NMRK2: variants seen among roughly 807,000 people sequenced by gnomAD.
NMRK2 encodes the protein nicotinamide riboside kinase 2.
In NMRK2, 34 loss-of-function variants were observed where a neutral mutation model predicts 24.7. That is an observed-to-expected ratio of 1.37 (90% CI 1.05 to 1.83). The LOEUF is 1.83. NMRK2 is among the 40% of genes most tolerant of loss of function. The pLI, the probability that NMRK2 is intolerant of heterozygous loss-of-function variation, is 0.00. For synonymous variants in NMRK2, 145 were observed against 125.6 expected (o/e 1.15, Z -1.03); for missense variants, 341 against 315.0 (o/e 1.08, Z -0.62).
chr19:3,940,897 C>T (rs2039319709), intron 6 of NMRK2, among the ~76,000 whole-genome samples, 174 bp from the exon 7 acceptor site: 1 of 152,198 alleles, frequency 6.6e-6, no homozygotes, highest in South Asian at 2.1e-4. Flanking sequence ...TCTCCCGGAC[C>T]CACAGGGTGA....
rs779155928 is a variant in NMRK2, at chr19:3,936,570, C to A, written c.27-5C>A. ...GGCAGTCTCATGCACACGCTGTCTC[C>A]CCAGCATGACCAACGGCGGCAAGAC... On this transcript the variant is annotated splice_polypyrimidine_tract_variant and splice_region_variant and intron_variant, in intron 2 of 7. Coordinates refer to ENST00000168977, the MANE Select transcript of NMRK2 (RefSeq NM_170678.3). The A allele has an allele frequency of 2.6e-6, 4 of 1,547,548 alleles. No homozygotes were observed. The highest frequency in any genetic ancestry group is 2.4e-5 in the East Asian group (1 of 41,446).
chr19:3,935,581 G>GTATT (rs1212604182), intron 2 of NMRK2, among the ~76,000 whole-genome samples: 100 of 151,152 alleles, frequency 6.6e-4, no homozygotes, highest in African/African-American at 2.1e-3. Flanking sequence ...ATCTATTTAT[G>GTATT]TATTTATTTA....
chr19:3,933,862 GT>G (rs1353974686), intron 2 of NMRK2, among the ~76,000 whole-genome samples, 165 bp downstream of exon 2: 17 of 152,186 alleles, frequency 1.1e-4, no homozygotes, highest in Admixed American at 1.0e-3. Flanking sequence ...GGGTCTCGGT[GT>G]CCCCAGTGGG....
intron 7 of NMRK2, 41 bp downstream of exon 7, chr19:3,941,218 G>A (rs565857828): frequency 2.6e-5 from 27 of 1,032,676 alleles, no homozygotes; most frequent in African/African-American, 1.8e-4. Flanking sequence ...CCGGGCGGGC[G>A]GGGGGGACCC....
In NMRK2 at chr19:3,938,498, C is replaced by T. The variant is rs2039258280; in HGVS notation, c.167-105C>T. On this transcript the variant is annotated intron_variant, in intron 4 of 7. Transcript: ENST00000168977. ...GGGGTCCACCCTCCTGCAATGCCCGCTCCCCATCCACCGTCCCCTGGGGTC... is the reference window on the plus strand; with the variant it reads ...GGGGTCCACCCTCCTGCAATGCCCGTTCCCCATCCACCGTCCCCTGGGGTC... 1.4e-5 allele frequency: 14 copies of T among 1,025,618 alleles called. No homozygotes were observed. In the South Asian group the frequency reaches 2.9e-4, roughly 21 times the overall value. The allele number at this position is 1,025,618 out of a possible 1,614,324, so 63.5% of individuals were successfully genotyped here.
rs1295008833 is a variant in NMRK2 at position 3,942,367 on chromosome 19, T to C, written c.*94T>C. 5.1e-5 allele frequency: 57 copies of C among 1,125,220 alleles called. 1 individual carries two copies. The East Asian group carries it at 1.1e-3, about 22-fold the overall frequency. The allele number at this position is 1,125,220 out of a possible 1,614,324, so 69.7% of individuals were successfully genotyped here. ...CTCAGGGACTGAGCCCCAAGACGCC[T>C]CTGTAACCTCGCTGCAGCTTCAGTA... On this transcript the variant is annotated 3_prime_UTR_variant, in exon 8 of 8. Coordinates refer to ENST00000168977, the MANE Select transcript of NMRK2 (RefSeq NM_170678.3).
At position 3,942,302 on chromosome 19, in the gene NMRK2, A is replaced by G. The variant is rs2039350487; in HGVS notation, c.*29A>G. 1.3e-6 allele frequency: 2 copies of G among 1,557,626 alleles called. No individual in the cohort carries two copies. Among genetic ancestry groups the G allele is most frequent in the Middle Eastern group, 2.1e-4 (1 of 4,814 alleles). On this transcript the variant is annotated 3_prime_UTR_variant, in exon 8 of 8. Coordinates refer to ENST00000168977, the MANE Select transcript of NMRK2 (RefSeq NM_170678.3). Reference sequence around the variant, plus strand: ...TTTCCCTATGGGGGTGTCTGTACGTAGGAGAGTGGAGGCCCCACTCCCAGT... The same window carrying G: ...TTTCCCTATGGGGGTGTCTGTACGTGGGAGAGTGGAGGCCCCACTCCCAGT...
intron 7 of NMRK2, among the ~76,000 whole-genome samples, chr19:3,941,646 T>TTTG (rs141724611): frequency 6.6e-6 from 1 of 150,988 alleles, no homozygotes; most frequent in African/African-American, 2.4e-5. Context: ...TCTTGCTATT[T>TTTG]TTGTTGTTGT....
At chr19:3,937,211 A>G in intron 3 of NMRK2, 29 bp from the exon 4 acceptor site, 1 of 1,611,922 alleles carries the variant, frequency 6.2e-7, no homozygotes, top group Non-Finnish European at 8.5e-7. Flanking sequence ...CCGGGCACTG[A>G]GCCCGAGGTT....
rs914731692 is a variant in NMRK2, at chr19:3,933,768, G to A, written c.26+71G>A. The A allele has an allele frequency of 3.9e-5, 52 of 1,328,106 alleles. 1 individual carries two copies. The highest frequency in any genetic ancestry group is 2.2e-4 in the Middle Eastern group (1 of 4,598). 82.3% of individuals were successfully genotyped at this position (1,328,106 alleles called of 1,614,324 possible). The stretch of plus-strand genomic sequence containing the variant: ...CCTGTGCGCGCAGAGGGGGAGGCCC[G>A]GGAATGAATGGAGGGATGCCTGGCG... On this transcript the variant is annotated intron_variant, in intron 2 of 7. Transcript: ENST00000168977.
At chr19:3,933,367 A>C in intron 1 of NMRK2, 91 bp from the exon 2 acceptor site, 1 of 394,286 alleles carries the variant, frequency 2.5e-6, no homozygotes. Context: ...AGGAGAGGGG[A>C]GGAGGGAGTG....
Position 3,938,524 on chromosome 19 carries a change from C to T in NMRK2, c.167-79C>T, listed in dbSNP as rs1313742644. On this transcript the variant is annotated intron_variant, in intron 4 of 7. Coordinates refer to ENST00000168977, the MANE Select transcript of NMRK2 (RefSeq NM_170678.3). Reference sequence around the variant, plus strand: ...TCCCCATCCACCGTCCCCTGGGGTCCGCCCTCCTGCAATGCCCGCTCCCCG... The same window carrying T: ...TCCCCATCCACCGTCCCCTGGGGTCTGCCCTCCTGCAATGCCCGCTCCCCG... 6.0e-6 allele frequency: 8 copies of T among 1,340,602 alleles called. No individual in the cohort carries two copies. In the East Asian group the frequency reaches 8.4e-5, roughly 14 times the overall value. The allele number at this position is 1,340,602 out of a possible 1,614,324, so 83.0% of individuals were successfully genotyped here. A position where few individuals can be genotyped will look rare whatever the true frequency, so the allele number is the denominator to read the frequency against.
Position 3,933,633 on chromosome 19 carries a change from C to G in NMRK2, c.-39C>G. The G allele has an allele frequency of 6.6e-7, 1 of 1,520,758 alleles. No homozygotes were observed. The highest frequency in any genetic ancestry group is 1.7e-4 in the Middle Eastern group (1 of 5,816). The allele number at this position is 1,520,758 out of a possible 1,614,324, so 94.2% of individuals were successfully genotyped here. A position where few individuals can be genotyped will look rare whatever the true frequency, so the allele number is the denominator to read the frequency against. Reference sequence around the variant, plus strand: ...ACTGCGTGGTCGCACCCTACCCGGGCTGCCTTGGAAGTCGTCCCCGCCGCC... The same window carrying G: ...ACTGCGTGGTCGCACCCTACCCGGGGTGCCTTGGAAGTCGTCCCCGCCGCC... On this transcript the variant is annotated 5_prime_UTR_variant, in exon 2 of 8. Transcript: ENST00000168977.
At position 3,938,635 on chromosome 19, in the gene NMRK2, G is replaced by A; in HGVS notation, c.199G>A (p.Asp67Asn). The A allele has an allele frequency of 6.2e-7, 1 of 1,603,200 alleles. No homozygotes were observed. Among genetic ancestry groups the A allele is most frequent in the Non-Finnish European group, 8.5e-7 (1 of 1,173,308 alleles). ...GTCTCTGGACATGGAGGCCATGCTG[G>A]ACACCGTGCAGGCCTGGCTGAGCAG... Reference protein sequence around the residue: ...LESLDMEAMLDTVQAWLSSPQ... With the variant: ...LESLDMEAMLNTVQAWLSSPQ... The change falls in exon 5 of 8, where the codon GAC (aspartate) becomes AAC (asparagine). Residue 67 changes from aspartate to asparagine, a missense_variant. Transcript: ENST00000168977.
rs765956253 is a variant in NMRK2 at position 3,942,174 on chromosome 19, A to G, written c.594A>G (p.Ser198=). Reference sequence around the variant, plus strand: ...CGCTGCTGAACCGCTCCCAGGAATCAGCCCCCTCCCCGGCTCGCCCAGCCA... The same window carrying G: ...CGCTGCTGAACCGCTCCCAGGAATCGGCCCCCTCCCCGGCTCGCCCAGCCA... The part of the protein sequence containing the change: ...QNSLLNRSQE[S]APSPARPART... Residue 198 remains serine (S), a synonymous_variant, in exon 8 of 8, where the codon TCA becomes TCG. Coordinates refer to ENST00000168977, the MANE Select transcript of NMRK2 (RefSeq NM_170678.3). 6 of 1,613,184 alleles carry G rather than the reference A, an allele frequency of 3.7e-6. No homozygotes were observed. The East Asian group carries it at 1.3e-4, about 36-fold the overall frequency.
In NMRK2 at chr19:3,937,289, G is replaced by C. The variant is rs1272015308; in HGVS notation, c.166+1G>C. Reference sequence around the variant, plus strand: ...GAAGACGGCTTCAAACAGTGGGACGGTAAGGACAAGCATCACCTCCAAGCC... The same window carrying C: ...GAAGACGGCTTCAAACAGTGGGACGCTAAGGACAAGCATCACCTCCAAGCC... On this transcript the variant is annotated splice_donor_variant, in intron 4 of 7. Coordinates refer to ENST00000168977, the MANE Select transcript of NMRK2 (RefSeq NM_170678.3). LOFTEE classifies it high-confidence loss of function. 1 of 1,612,986 alleles carries C rather than the reference G, an allele frequency of 6.2e-7. No individual in the cohort carries two copies. The highest frequency in any genetic ancestry group is 2.2e-5 in the East Asian group (1 of 44,880).
At chr19:3,934,066 G>A (rs1334613742) in intron 2 of NMRK2, among the ~76,000 whole-genome samples, 1 of 152,240 alleles carries the variant, frequency 6.6e-6, no homozygotes, top group South Asian at 2.1e-4. Flanking sequence ...TGGCCAACAC[G>A]GTGAAACCCC....
intron 6 of NMRK2, among the ~76,000 whole-genome samples, 168 bp from the exon 7 acceptor site, chr19:3,940,903 G>A (rs1479822095): frequency 1.3e-5 from 2 of 152,142 alleles, no homozygotes; most frequent in Non-Finnish European, 2.9e-5. Context: ...GGACCCACAG[G>A]GTGAACATGC....
Position 3,941,165 on chromosome 19 carries a change from G to T in NMRK2, c.490G>T (p.Gly164Cys). ...QKYRQEMEAN[G>C]VEVVYLDGMK... ...GTATAGGCAGGAGATGGAGGCCAAC[G>T]GTGTGGAAGTGGGTAAGCCCCTGAG... The change falls in exon 7 of 8, where the codon GGT (glycine) becomes TGT (cysteine). Residue 164 changes from glycine to cysteine, a missense_variant. Transcript: ENST00000168977. 1 of 1,611,998 alleles carries T rather than the reference G, an allele frequency of 6.2e-7. No homozygotes were observed. The highest frequency in any genetic ancestry group is 1.7e-5 in the Admixed American group (1 of 59,982).
Sources: gnomAD v4.1 joint callset for allele counts (sites outside exome capture counted in the v4.1 genomes callset) on GRCh38, gnomAD v4.1.1 for gene constraint, MANE v1.5 for transcripts, NCBI Gene and HGNC (gene_info 2026-07-23, HGNC 2026-07-21) for gene names.